Variants in CHST8 observed in about 807,000 individuals in gnomAD.
CHST8 encodes carbohydrate sulfotransferase 8.
In CHST8, 10 loss-of-function variants were observed where a neutral mutation model predicts 15.0. The ratio of observed to expected loss-of-function variants is 0.67; its 90% CI spans 0.41 to 1.13. The LOEUF (loss-of-function observed/expected upper bound fraction) is 1.13. CHST8 is among the 50% of genes most tolerant of loss of function. The probability of loss-of-function intolerance (pLI) is 0.00; values close to 1 mark genes in which losing one functional copy is unlikely to be tolerated. For missense variants in CHST8, 634 were observed against 608.2 expected (o/e 1.04, Z -0.45); for synonymous variants, 259 against 256.6 (o/e 1.01, Z -0.09).
At chr19:33,638,690 C>G (rs1972238992) in intron 1 of CHST8, among the ~76,000 whole-genome samples, 1 of 152,174 alleles carries the variant, frequency 6.6e-6, no homozygotes, top group Non-Finnish European at 1.5e-5. Context: ...AGGCTTCATC[C>G]TGCTGCTGGG....
chr19:33,724,236 C>G (rs1426220218), intron 3 of CHST8, among the ~76,000 whole-genome samples: 1 of 152,200 alleles, frequency 6.6e-6, no homozygotes, highest in African/African-American at 2.4e-5. Context: ...GGCCCAGCCC[C>G]CTCCTGACAC....
chr19:33,654,315 G>A (rs1277730121), intron 1 of CHST8, among the ~76,000 whole-genome samples: 1 of 151,928 alleles, frequency 6.6e-6, no homozygotes, highest in Non-Finnish European at 1.5e-5. Context: ...GCATAAATCA[G>A]GTTTCTCCCT....
chr19:33,682,296 G>A (rs1972904315), intron 2 of CHST8, among the ~76,000 whole-genome samples: 1 of 148,964 alleles, frequency 6.7e-6, no homozygotes, highest in South Asian at 2.2e-4. Context: ...AGGTTCAAGC[G>A]ATTCTCCTGC....
intron 1 of CHST8, among the ~76,000 whole-genome samples, chr19:33,644,893 G>T (rs1397992962): frequency 6.6e-6 from 1 of 152,148 alleles, no homozygotes; most frequent in Non-Finnish European, 1.5e-5. Context: ...GAGATTAGAG[G>T]TTGGGAAGAT....
At chr19:33,655,330 C>G (rs1568316573) in intron 1 of CHST8, among the ~76,000 whole-genome samples, 1 of 152,208 alleles carries the variant, frequency 6.6e-6, no homozygotes, top group Non-Finnish European at 1.5e-5. Context: ...AGCCACCGCG[C>G]CCAGCCTTCC....
intron 1 of CHST8, among the ~76,000 whole-genome samples, chr19:33,634,677 CAAAA>C (rs3040761): frequency 0.18 from 9,468 of 52,528 alleles, 500 homozygotes; most frequent in African/African-American, 0.26. Flanking sequence ...GTCACGAAAC[CAAAA>C]AAAAAAAAAA....
intron 1 of CHST8, among the ~76,000 whole-genome samples, chr19:33,651,541 C>A (rs1972448517): frequency 6.6e-6 from 1 of 152,056 alleles, no homozygotes; most frequent in African/African-American, 2.4e-5. Flanking sequence ...TTCTGTAATG[C>A]ATTTCTGAAT....
At position 33,773,172 on chromosome 19, in the gene CHST8, G is replaced by A; in HGVS notation, c.*109G>A. 2.4e-6 allele frequency: 3 copies of A among 1,269,886 alleles called. No individual in the cohort carries two copies. The highest frequency in any genetic ancestry group is 3.2e-6 in the Non-Finnish European group (3 of 944,666). The allele number at this position is 1,269,886 out of a possible 1,614,324, so 78.7% of individuals were successfully genotyped here. A position where few individuals can be genotyped will look rare whatever the true frequency, so the allele number is the denominator to read the frequency against. ...CTGGGAGCAACAGGGCTCTGAGGAC[G>A]TGAGGAGCCATCGCTGTGGGAGGCA... On this transcript the variant is annotated 3_prime_UTR_variant, in exon 5 of 5. Transcript: ENST00000650847.
At chr19:33,760,193 C>T (rs1568360358) in intron 3 of CHST8, among the ~76,000 whole-genome samples, 1 of 152,044 alleles carries the variant, frequency 6.6e-6, no homozygotes, top group Non-Finnish European at 1.5e-5. Flanking sequence ...CTCTCCTGGG[C>T]CTTAGGAGGT....
intron 3 of CHST8, among the ~76,000 whole-genome samples, chr19:33,690,931 G>T (rs967329336): frequency 2.0e-5 from 3 of 152,232 alleles, no homozygotes; most frequent in African/African-American, 7.2e-5. Flanking sequence ...TGGTGTGTGC[G>T]TGGTTGGGGG....
chr19:33,681,897 G>A (rs903803988), intron 2 of CHST8, among the ~76,000 whole-genome samples: 3 of 149,306 alleles, frequency 2.0e-5, no homozygotes, highest in Admixed American at 6.7e-5. Flanking sequence ...ACGGAGTTTC[G>A]CTCTTGTCAC....
At chr19:33,677,478 A>G (rs1972825092) in intron 2 of CHST8, among the ~76,000 whole-genome samples, 1 of 152,186 alleles carries the variant, frequency 6.6e-6, no homozygotes, top group Non-Finnish European at 1.5e-5. Flanking sequence ...ATATGGAAAG[A>G]TGGTGAGACC....
At chr19:33,690,875 G>T (rs1198569271) in intron 3 of CHST8, among the ~76,000 whole-genome samples, 2 of 152,238 alleles carry the variant, frequency 1.3e-5, no homozygotes, top group Non-Finnish European at 2.9e-5. Flanking sequence ...CTGCATAGAA[G>T]CACAGTCAGG....
At chr19:33,648,060 G>A (rs1292423387) in intron 1 of CHST8, among the ~76,000 whole-genome samples, 5 of 151,990 alleles carry the variant, frequency 3.3e-5, no homozygotes, top group South Asian at 2.1e-4. Flanking sequence ...TCCTTGAGAA[G>A]CTTAGAGTAT....
chr19:33,714,839 A>T (rs1973634797), intron 3 of CHST8, among the ~76,000 whole-genome samples: 1 of 152,154 alleles, frequency 6.6e-6, no homozygotes, highest in South Asian at 2.1e-4. Flanking sequence ...TTCTGCCATG[A>T]TTGTGAGGCC....
intron 3 of CHST8, among the ~76,000 whole-genome samples, chr19:33,737,087 G>A (rs542415871): frequency 3.9e-5 from 6 of 152,226 alleles, no homozygotes; most frequent in South Asian, 2.1e-4. Flanking sequence ...TTTAAAAAGG[G>A]GAGGGACCCT....
At chr19:33,695,056 A>G (rs915810648) in intron 3 of CHST8, among the ~76,000 whole-genome samples, 2 of 151,646 alleles carry the variant, frequency 1.3e-5, no homozygotes, top group African/African-American at 4.9e-5. Flanking sequence ...CCTGGGCTCG[A>G]GTGATCCTCC....
At chr19:33,635,155 C>T (rs1038228362) in intron 1 of CHST8, among the ~76,000 whole-genome samples, 6 of 152,174 alleles carry the variant, frequency 3.9e-5, no homozygotes, top group Admixed American at 6.5e-5. Context: ...TTTCCAACAC[C>T]GTCTTTTCAT....
chr19:33,772,322 C>T lies in CHST8; in HGVS notation c.534C>T (p.Pro178=). 6.2e-7 allele frequency: 1 copy of T among 1,605,178 alleles called. No homozygotes were observed. Among genetic ancestry groups the T allele is most frequent in the Non-Finnish European group, 8.5e-7 (1 of 1,179,242 alleles). Residue 178 remains proline (P), a synonymous_variant, in exon 5 of 5, where the codon CCC becomes CCT. Coordinates refer to ENST00000650847, the MANE Select transcript of CHST8 (RefSeq NM_001127895.2). Reference sequence around the variant, plus strand: ...GCAGCAGCCGCCGGGCCGTCACGCCCCGCCACGTGTCCCGTATCTTCGTGG... The same window carrying T: ...GCAGCAGCCGCCGGGCCGTCACGCCTCGCCACGTGTCCCGTATCTTCGTGG... ...RASSSRRAVT[P]RHVSRIFVED... is the part of the protein sequence containing the mutation.
Sources: gnomAD v4.1 joint callset for allele counts (sites outside exome capture counted in the v4.1 genomes callset) on GRCh38, gnomAD v4.1.1 for gene constraint, MANE v1.5 for transcripts, NCBI Gene and HGNC (gene_info 2026-07-23, HGNC 2026-07-21) for gene names.